Variants in RPSA2 observed in about 807,000 individuals in gnomAD.
RPSA2 encodes small ribosomal subunit protein uS2B.
At chr19:23,804,677 C>A in the RPSA2 span, among the ~76,000 whole-genome samples, 2 of 152,054 alleles carry the variant, frequency 1.3e-5, no homozygotes, top group African/African-American at 4.8e-5. Flanking sequence ...TTTAAAACAC[C>A]CATTTATGGA....
At chr19:23,818,999 C>A in the RPSA2 span, 2 of 152,100 alleles carry the variant, frequency 1.3e-5, no homozygotes, top group African/African-American at 4.8e-5. Context: ...TCTAAGGATT[C>A]TCCCTTTAAC....
At chr19:23,843,292 G>T in the RPSA2 span, 1 of 175,988 alleles carries the variant, frequency 5.7e-6, no homozygotes, top group South Asian at 1.3e-4. Flanking sequence ...AAGCATGAAT[G>T]AAGCAGATAA....
chr19:23,760,196 T>C, the RPSA2 span, among the ~76,000 whole-genome samples: 1 of 152,072 alleles, frequency 6.6e-6, no homozygotes, highest in Non-Finnish European at 1.5e-5. Context: ...CTCCCTTGAC[T>C]CCATCCCTAT....
chr19:23,778,588 T>A, the RPSA2 span, among the ~76,000 whole-genome samples: 1 of 152,150 alleles, frequency 6.6e-6, no homozygotes, highest in African/African-American at 2.4e-5. Context: ...CTAGATGTTA[T>A]GACTTTCCTC....
the RPSA2 span, among the ~76,000 whole-genome samples, chr19:23,776,339 G>C: frequency 6.6e-6 from 1 of 152,112 alleles, no homozygotes; most frequent in Non-Finnish European, 1.5e-5. Context: ...TCCACATGGG[G>C]CATTTGGACA....
At chr19:23,849,098 A>G in the RPSA2 span, among the ~76,000 whole-genome samples, 4 of 152,382 alleles carry the variant, frequency 2.6e-5, no homozygotes, top group African/African-American at 9.6e-5. Flanking sequence ...GGGAGTTAAT[A>G]CAAGTGTATA....
At chr19:23,852,447 T>C in the RPSA2 span, among the ~76,000 whole-genome samples, 4 of 152,192 alleles carry the variant, frequency 2.6e-5, no homozygotes, top group African/African-American at 4.8e-5. Flanking sequence ...TACCTACGTA[T>C]TTACTAACAG....
At chr19:23,787,080 A>G in the RPSA2 span, among the ~76,000 whole-genome samples, 5 of 152,260 alleles carry the variant, frequency 3.3e-5, no homozygotes, top group South Asian at 1.0e-3. Flanking sequence ...GTCCCTGCTT[A>G]CAGAGAAATT....
At chr19:23,844,629 G>A in the RPSA2 span, among the ~76,000 whole-genome samples, 1 of 151,276 alleles carries the variant, frequency 6.6e-6, no homozygotes, top group Non-Finnish European at 1.5e-5. Context: ...TATTCTTTAG[G>A]TTGCCTATTT....
At chr19:23,795,754 G>T in the RPSA2 span, among the ~76,000 whole-genome samples, 1 of 152,114 alleles carries the variant, frequency 6.6e-6, no homozygotes, top group East Asian at 1.9e-4. Context: ...GCCAATTTTT[G>T]AGGATGAATG....
At chr19:23,822,614 C>T in the RPSA2 span, among the ~76,000 whole-genome samples, 4 of 152,138 alleles carry the variant, frequency 2.6e-5, no homozygotes, top group Non-Finnish European at 2.9e-5. Flanking sequence ...CCTGTGTTTT[C>T]TGGAGGGGCA....
chr19:23,854,900 G>T, the RPSA2 span, among the ~76,000 whole-genome samples: 768 of 152,242 alleles, frequency 5.0e-3, 11 homozygotes, highest in African/African-American at 0.018. Flanking sequence ...TCGTTGGATG[G>T]AACGAATGGC....
chr19:23,767,371 G>A, the RPSA2 span, among the ~76,000 whole-genome samples: 1 of 152,300 alleles, frequency 6.6e-6, no homozygotes, highest in South Asian at 2.1e-4. Context: ...GAGCCACCAC[G>A]CCTGGCCTCT....
the RPSA2 span, among the ~76,000 whole-genome samples, chr19:23,844,851 T>G: frequency 1.3e-5 from 2 of 151,574 alleles, no homozygotes; most frequent in East Asian, 2.0e-4. Flanking sequence ...GGTAGAATTT[T>G]TATACATTTG....
chr19:23,871,062 T>A, the RPSA2 span, among the ~76,000 whole-genome samples: 1 of 152,166 alleles, frequency 6.6e-6, no homozygotes, highest in African/African-American at 2.4e-5. Flanking sequence ...AATCAGCCCC[T>A]TCTCCCTATC....
At chr19:23,857,029 C>T in the RPSA2 span, among the ~76,000 whole-genome samples, 1 of 152,152 alleles carries the variant, frequency 6.6e-6, no homozygotes, top group Non-Finnish European at 1.5e-5. Flanking sequence ...GAGGGTACTG[C>T]AGGAGACCAG....
chr19:23,827,671 A>G, the RPSA2 span: 7 of 1,596,418 alleles, frequency 4.4e-6, no homozygotes, highest in Non-Finnish European at 5.9e-6. Flanking sequence ...GAGCTCACTC[A>G]GTGGGTTTGA....
the RPSA2 span, chr19:23,843,062 T>G: frequency 6.5e-6 from 1 of 153,000 alleles, no homozygotes; most frequent in African/African-American, 2.4e-5. Flanking sequence ...GAAAACAGTA[T>G]TTTGGAATTA....
At chr19:23,832,537 T>C in the RPSA2 span, 2 of 762,496 alleles carry the variant, frequency 2.6e-6, no homozygotes, top group East Asian at 4.7e-5. Flanking sequence ...TAATTCATAC[T>C]GAAAAGAAAC....
Sources: gnomAD v4.1 joint callset for allele counts (sites outside exome capture counted in the v4.1 genomes callset) on GRCh38, gnomAD v4.1.1 for gene constraint, MANE v1.5 for transcripts, NCBI Gene and HGNC (gene_info 2026-07-23, HGNC 2026-07-21) for gene names.